PKN2: variants seen among roughly 807,000 people sequenced by gnomAD.
PKN2 encodes the protein serine/threonine-protein kinase N2.
In PKN2, 38 loss-of-function variants were observed where a neutral mutation model predicts 119.1. That is an observed-to-expected ratio of 0.32 (90% CI 0.25 to 0.42). The LOEUF (loss-of-function observed/expected upper bound fraction) is 0.42, where lower values mean the gene tolerates loss of function less well. PKN2 is among the 10% of genes least tolerant of loss of function. The pLI is 1.00. For synonymous variants in PKN2, 390 were observed against 384.9 expected, an observed-to-expected ratio of 1.01 and a Z score of -0.15; for missense variants, 850 against 1,165.1, an observed-to-expected ratio of 0.73 and a Z score of 3.94.
At chr1:88,700,220 A>G (rs747352172) in intron 1 of PKN2, among the ~76,000 whole-genome samples, 3 of 152,082 alleles carry the variant, frequency 2.0e-5, no homozygotes, top group Non-Finnish European at 2.9e-5. Flanking sequence ...ATACACATAC[A>G]TGTATCTTTG....
In PKN2 at chr1:88,832,863, AATAAGG is replaced by A. The variant is rs1270106696; in HGVS notation, c.2670+18_2670+23del. ...CTATAATGAGAAGGGTAAGAATTAAAATAAGGATAAGAATTTTTTAAAGACTACTTT... is the reference window on the plus strand; with the variant it reads ...CTATAATGAGAAGGGTAAGAATTAAAATAAGAATTTTTTAAAGACTACTTT... On this transcript the variant is annotated intron_variant, in intron 20 of 21. Transcript: ENST00000370521. 2 of 1,440,818 alleles carry A rather than the reference AATAAGG, an allele frequency of 1.4e-6. No homozygotes were observed. The highest frequency in any genetic ancestry group is 2.3e-5 in the East Asian group (1 of 43,708). 89.3% of individuals were successfully genotyped at this position (1,440,818 alleles called of 1,614,324 possible).
chr1:88,804,721 A>T (rs969445486), intron 9 of PKN2, 125 bp from the exon 10 acceptor site: 3 of 749,762 alleles, frequency 4.0e-6, no homozygotes, highest in African/African-American at 3.6e-5. Flanking sequence ...CTGTTTTCTC[A>T]TGTAGAAAAT....
chr1:88,728,969 AC>A (rs992137992), intron 1 of PKN2, among the ~76,000 whole-genome samples: 11 of 146,436 alleles, frequency 7.5e-5, no homozygotes, highest in Admixed American at 1.4e-4. Flanking sequence ...ATCTCGGCTC[AC>A]CACAATCTCT....
At chr1:88,760,154 A>C (rs1275560432) in intron 2 of PKN2, 68 bp from the exon 3 acceptor site, 1 of 898,776 alleles carries the variant, frequency 1.1e-6, no homozygotes, top group Non-Finnish European at 1.8e-6. Context: ...TTATTTGAAA[A>C]ATATTAACTT....
Position 88,712,824 on chromosome 1 carries a change from G to A in PKN2, c.49-28164G>A, listed in dbSNP as rs548141023. 2.6e-4 allele frequency among the ~76,000 whole-genome samples: 40 copies of A among 152,084 alleles called. No homozygotes were observed. The South Asian group carries it at 7.1e-3, about 27-fold the overall frequency. On this transcript the variant is annotated intron_variant, in intron 1 of 21. Transcript: ENST00000370521. ...AAGTTCTAGGGTACATGTGCACAAC[G>A]TGCAGGTTTGTTACATATGTATACA...
chr1:88,806,119 G>A, intron 12 of PKN2, 102 bp downstream of exon 12: 1 of 1,010,664 alleles, frequency 9.9e-7, no homozygotes, highest in East Asian at 2.4e-5. Context: ...AATTGCCACT[G>A]AACTGTGAAT....
intron 1 of PKN2, among the ~76,000 whole-genome samples, chr1:88,738,457 G>T (rs749938864): frequency 3.3e-5 from 5 of 152,228 alleles, no homozygotes; most frequent in Non-Finnish European, 7.3e-5. Flanking sequence ...GAGAGATGGT[G>T]CATACCAAAG....
At chr1:88,714,515 T>G (rs1224730115) in intron 1 of PKN2, among the ~76,000 whole-genome samples, 2 of 152,194 alleles carry the variant, frequency 1.3e-5, no homozygotes, top group Non-Finnish European at 2.9e-5. Context: ...GTAAGTTGGA[T>G]TCCTAGGTAT....
intron 1 of PKN2, among the ~76,000 whole-genome samples, chr1:88,739,543 C>T (rs1415117512): frequency 1.3e-5 from 2 of 152,150 alleles, no homozygotes; most frequent in Non-Finnish European, 2.9e-5. Flanking sequence ...TAAAGAAAAT[C>T]TTTGCATTAA....
At chr1:88,751,527 C>G (rs1414702632) in intron 2 of PKN2, among the ~76,000 whole-genome samples, 2 of 152,008 alleles carry the variant, frequency 1.3e-5, no homozygotes, top group Non-Finnish European at 2.9e-5. Flanking sequence ...TCCAAAATAA[C>G]TTGTATAGTT....
At chr1:88,742,688 C>T (rs942042641) in intron 2 of PKN2, among the ~76,000 whole-genome samples, 2 of 151,614 alleles carry the variant, frequency 1.3e-5, no homozygotes, top group East Asian at 1.9e-4. Flanking sequence ...ATAGCCTGTT[C>T]CATGGAACTC....
intron 16 of PKN2, among the ~76,000 whole-genome samples, chr1:88,820,180 C>CAATATATATA (rs1491259052): frequency 7.6e-4 from 54 of 70,726 alleles, no homozygotes; most frequent in South Asian, 3.7e-3. Flanking sequence ...TTTCAGAAAC[C>CAATATATATA]TATATATATA....
At chr1:88,700,503 A>G (rs1451218476) in intron 1 of PKN2, among the ~76,000 whole-genome samples, 2 of 152,180 alleles carry the variant, frequency 1.3e-5, no homozygotes, top group Non-Finnish European at 2.9e-5. Flanking sequence ...CTCCATACCC[A>G]AAAGTAAGGA....
chr1:88,708,699 T>C (rs1667101051), intron 1 of PKN2, among the ~76,000 whole-genome samples: 1 of 150,714 alleles, frequency 6.6e-6, no homozygotes. Context: ...TGATCTCAGG[T>C]AATCTACCTG....
intron 1 of PKN2, among the ~76,000 whole-genome samples, chr1:88,735,576 G>A (rs1054275274): frequency 6.9e-6 from 1 of 145,574 alleles, no homozygotes; most frequent in Non-Finnish European, 1.5e-5. Context: ...AGCTGTGCTG[G>A]GTACAGTATT....
At chr1:88,817,952 A>C (rs575162257) in intron 16 of PKN2, among the ~76,000 whole-genome samples, 1 of 152,242 alleles carries the variant, frequency 6.6e-6, no homozygotes, top group Admixed American at 6.5e-5. Context: ...TGGAGATGAC[A>C]TGATTATATA....
At chr1:88,753,952 G>C (rs1310058593) in intron 2 of PKN2, among the ~76,000 whole-genome samples, 2 of 152,116 alleles carry the variant, frequency 1.3e-5, no homozygotes, top group Non-Finnish European at 1.5e-5. Context: ...TTTCAGTGTT[G>C]TTGCTGAAAA....
intron 2 of PKN2, among the ~76,000 whole-genome samples, chr1:88,743,188 T>C (rs1300736920): frequency 6.6e-6 from 1 of 152,162 alleles, no homozygotes; most frequent in African/African-American, 2.4e-5. Flanking sequence ...CGATTCTGTC[T>C]CAAAAATAAA....
intron 17 of PKN2, among the ~76,000 whole-genome samples, 183 bp downstream of exon 17, chr1:88,822,186 T>C (rs1672321536): frequency 6.6e-6 from 1 of 152,210 alleles, no homozygotes; most frequent in Non-Finnish European, 1.5e-5. Flanking sequence ...GAACTTTTTG[T>C]TTCCTAATCC....
Sources: gnomAD v4.1 joint callset for allele counts (sites outside exome capture counted in the v4.1 genomes callset) on GRCh38, gnomAD v4.1.1 for gene constraint, MANE v1.5 for transcripts, NCBI Gene and HGNC (gene_info 2026-07-23, HGNC 2026-07-21) for gene names.